SLC9C1: variants seen among roughly 807,000 people sequenced by gnomAD.
SLC9C1 encodes the protein solute carrier family 9 member C1, also known as sodium/hydrogen exchanger 10.
Under a neutral mutation model 140.9 loss-of-function variants are expected in SLC9C1, and 97 were observed. That is an observed-to-expected ratio of 0.69 (90% CI 0.58 to 0.82). SLC9C1 has a LOEUF of 0.82. Among genes scored for constraint, SLC9C1 ranks in the 40% least tolerant of loss-of-function variants. SLC9C1 has a pLI of 0.00. For missense variants in SLC9C1, 1,340 were observed against 1,389.3 expected (o/e 0.96, Z 0.56); for synonymous variants, 440 against 442.6 (o/e 0.99, Z 0.07).
At chr3:112,279,459 C>T (rs1187024682) in intron 3 of SLC9C1, among the ~76,000 whole-genome samples, 1 of 152,122 alleles carries the variant, frequency 6.6e-6, no homozygotes, top group African/African-American at 2.4e-5. Flanking sequence ...AGTACATTGA[C>T]ATGGGTACTA....
intron 20 of SLC9C1, among the ~76,000 whole-genome samples, chr3:112,197,410 A>G (rs553929261): frequency 4.6e-5 from 7 of 152,250 alleles, no homozygotes; most frequent in African/African-American, 1.7e-4. Flanking sequence ...CAGTCATCAG[A>G]GTACAGATGC....
At chr3:112,212,038 T>A (rs1357009309) in intron 15 of SLC9C1, among the ~76,000 whole-genome samples, 1 of 152,202 alleles carries the variant, frequency 6.6e-6, no homozygotes, top group Non-Finnish European at 1.5e-5. Context: ...CAGCAACATT[T>A]GCTGTTCAGC....
intron 10 of SLC9C1, among the ~76,000 whole-genome samples, chr3:112,253,115 T>G (rs1228723799): frequency 6.6e-6 from 1 of 152,176 alleles, no homozygotes; most frequent in Non-Finnish European, 1.5e-5. Context: ...GTCTCCTCAC[T>G]AAGCTTGGGC....
At chr3:112,147,486 A>T in intron 28 of SLC9C1, 1 of 419,594 alleles carries the variant, frequency 2.4e-6, no homozygotes, top group South Asian at 1.7e-5. Flanking sequence ...TCTCATGGTA[A>T]TGAATTCCCT....
intron 13 of SLC9C1, among the ~76,000 whole-genome samples, chr3:112,223,566 A>AAT (rs199784175): frequency 3.2e-5 from 2 of 62,486 alleles, no homozygotes; most frequent in African/African-American, 5.0e-5. Context: ...TAGCTTATCA[A>AAT]ACAAATAAAC....
intron 15 of SLC9C1, among the ~76,000 whole-genome samples, chr3:112,214,142 G>T (rs189351946): frequency 9.2e-5 from 14 of 152,308 alleles, no homozygotes; most frequent in Non-Finnish European, 2.1e-4. Flanking sequence ...CAGAAATAAA[G>T]ATGTTCTTTG....
intron 6 of SLC9C1, among the ~76,000 whole-genome samples, chr3:112,273,985 T>C (rs2080146198): frequency 6.6e-6 from 1 of 152,128 alleles, no homozygotes; most frequent in Non-Finnish European, 1.5e-5. Context: ...AGGTCGTCAG[T>C]TTATCAAGGA....
chr3:112,261,201 C>T (rs2079761872), intron 10 of SLC9C1, among the ~76,000 whole-genome samples: 1 of 152,016 alleles, frequency 6.6e-6, no homozygotes. Flanking sequence ...TAGTTGTTTA[C>T]TATGGAAAGT....
At chr3:112,191,308 G>A (rs534135593) in intron 20 of SLC9C1, among the ~76,000 whole-genome samples, 2 of 152,226 alleles carry the variant, frequency 1.3e-5, no homozygotes, top group African/African-American at 4.8e-5. Context: ...TCCTCATTGA[G>A]GATGATGTGA....
intron 14 of SLC9C1, among the ~76,000 whole-genome samples, chr3:112,218,953 A>C (rs541456425): frequency 9.8e-5 from 15 of 152,344 alleles, no homozygotes; most frequent in Middle Eastern, 3.4e-3. Flanking sequence ...CCAACTCTGT[A>C]ATTTATGAGT....
At chr3:112,282,237 T>C (rs2080376830) in intron 2 of SLC9C1, among the ~76,000 whole-genome samples, 1 of 152,226 alleles carries the variant, frequency 6.6e-6, no homozygotes, top group Admixed American at 6.5e-5. Flanking sequence ...AACCTGTCTT[T>C]ACCAGTGCGA....
intron 10 of SLC9C1, 79 bp from the exon 11 acceptor site, chr3:112,244,155 G>T: frequency 1.2e-6 from 1 of 857,776 alleles, no homozygotes; most frequent in Non-Finnish European, 1.7e-6. Flanking sequence ...TATAAATTAA[G>T]CTATTTTCCA....
At position 112,171,067 on chromosome 3, in the gene SLC9C1, A is replaced by G. The variant is rs568107301; in HGVS notation, c.2920-1739T>C. On this transcript the variant is annotated intron_variant, in intron 23 of 28. Transcript: ENST00000305815. Reference sequence around the variant, plus strand: ...CGTCTCTACTAAAAATACAAAAATTATCTGGGCATGGTGGCACGTGACTGT... The same window carrying G: ...CGTCTCTACTAAAAATACAAAAATTGTCTGGGCATGGTGGCACGTGACTGT... 9.2e-5 allele frequency among the ~76,000 whole-genome samples: 14 copies of G among 152,222 alleles called. No individual in the cohort carries two copies. The South Asian group carries it at 2.1e-3, about 23-fold the overall frequency.
At chr3:112,159,472 T>G (rs2075225254) in intron 26 of SLC9C1, among the ~76,000 whole-genome samples, 1 of 152,148 alleles carries the variant, frequency 6.6e-6, no homozygotes, top group Non-Finnish European at 1.5e-5. Flanking sequence ...ACTTGTTTTG[T>G]GGCTTAACAT....
intron 12 of SLC9C1, among the ~76,000 whole-genome samples, chr3:112,232,502 A>C (rs2078855685): frequency 6.6e-6 from 1 of 152,156 alleles, no homozygotes. Flanking sequence ...CTGCAGGCAC[A>C]AGTGTCAGTT....
At chr3:112,221,737 T>A (rs930967173) in intron 13 of SLC9C1, among the ~76,000 whole-genome samples, 1 of 152,090 alleles carries the variant, frequency 6.6e-6, no homozygotes, top group Non-Finnish European at 1.5e-5. Context: ...AGTATTATAA[T>A]AACAGATTGC....
chr3:112,269,842 G>C (rs1322540184), intron 7 of SLC9C1, 74 bp downstream of exon 7: 1 of 1,290,850 alleles, frequency 7.7e-7, no homozygotes, highest in Non-Finnish European at 1.0e-6. Context: ...CTTTTGCCTG[G>C]TATGCATTTT....
intron 19 of SLC9C1, among the ~76,000 whole-genome samples, chr3:112,200,499 T>C (rs921278647): frequency 6.6e-6 from 1 of 152,110 alleles, no homozygotes; most frequent in Non-Finnish European, 1.5e-5. Context: ...GCCTTCATTG[T>C]TGCATGAAGC....
At position 112,164,971 on chromosome 3, in the gene SLC9C1, C is replaced by A. The variant is rs181885941; in HGVS notation, c.3364+2250G>T. On this transcript the variant is annotated intron_variant, in intron 26 of 28. Transcript: ENST00000305815. The stretch of plus-strand genomic sequence containing the variant: ...TATTTCTTGGAGGCTTTATTCATTT[C>A]TTTTTATTCTTTTTTCTCTAAACTT... Among the ~76,000 whole-genome samples the A allele has an allele frequency of 1.1e-3, 165 of 152,260 alleles. 3 individuals are homozygous for A. The East Asian group carries it at 0.013, about 12-fold the overall frequency.
Sources: gnomAD v4.1 joint callset for allele counts (sites outside exome capture counted in the v4.1 genomes callset) on GRCh38, gnomAD v4.1.1 for gene constraint, MANE v1.5 for transcripts, NCBI Gene and HGNC (gene_info 2026-07-23, HGNC 2026-07-21) for gene names.